TUSC3: variants seen among roughly 807,000 people sequenced by gnomAD.
TUSC3 encodes tumor suppressor candidate 3, also known as dolichyl-diphosphooligosaccharide--protein glycosyltransferase subunit TUSC3.
Under a neutral mutation model 44.8 loss-of-function variants are expected in TUSC3, and 45 were observed. That is an observed-to-expected ratio of 1.00 (90% CI 0.79 to 1.29). The LOEUF is 1.29. Among genes scored for constraint, TUSC3 ranks in the 50% most tolerant of loss-of-function variants. The probability of loss-of-function intolerance (pLI) is 0.00; values close to 1 mark genes in which losing one functional copy is unlikely to be tolerated. For missense variants in TUSC3, 519 were observed against 437.9 expected (o/e 1.19, Z -1.65); for synonymous variants, 212 against 152.9 (o/e 1.39, Z -2.85).
intron 2 of TUSC3, among the ~76,000 whole-genome samples, chr8:15,529,034 C>A (rs1801416630): frequency 6.6e-6 from 1 of 152,174 alleles, no homozygotes; most frequent in African/African-American, 2.4e-5. Context: ...ACTCCACTGA[C>A]CTTTCCTGAT....
intron 1 of TUSC3, among the ~76,000 whole-genome samples, chr8:15,438,022 A>C (rs1304295557): frequency 6.6e-6 from 1 of 152,200 alleles, no homozygotes; most frequent in South Asian, 2.1e-4. Context: ...GCAGGTTGTT[A>C]AATATTTCTG....
At chr8:15,841,520 T>C in the TUSC3 span, among the ~76,000 whole-genome samples, 1 of 145,692 alleles carries the variant, frequency 6.9e-6, no homozygotes, top group Non-Finnish European at 1.5e-5. Context: ...TGAGACAAAA[T>C]TTTTTTTTTT....
chr8:15,774,432 G>A, the TUSC3 span, among the ~76,000 whole-genome samples: 3 of 152,138 alleles, frequency 2.0e-5, no homozygotes, highest in African/African-American at 7.2e-5. Context: ...ACCATATAAA[G>A]ATGGATGATT....
At chr8:15,503,711 A>G (rs1801000953) in intron 2 of TUSC3, among the ~76,000 whole-genome samples, 1 of 151,996 alleles carries the variant, frequency 6.6e-6, no homozygotes, top group African/African-American at 2.4e-5. Flanking sequence ...GTCTTAAACA[A>G]AAAAATATCG....
At chr8:15,438,993 G>C (rs751574030) in intron 1 of TUSC3, among the ~76,000 whole-genome samples, 2 of 152,144 alleles carry the variant, frequency 1.3e-5, no homozygotes, top group Non-Finnish European at 2.9e-5. Context: ...TCAGGCGTTG[G>C]TCGAGGCAAT....
chr8:15,587,368 C>G (rs1020299663), intron 1 of TUSC3, among the ~76,000 whole-genome samples: 1 of 152,160 alleles, frequency 6.6e-6, no homozygotes, highest in Non-Finnish European at 1.5e-5. Context: ...TGTTTTGTTA[C>G]TGCTTCTGTC....
intron 1 of TUSC3, among the ~76,000 whole-genome samples, chr8:15,440,878 G>C (rs749346909): frequency 6.6e-6 from 1 of 152,132 alleles, no homozygotes; most frequent in Non-Finnish European, 1.5e-5. Flanking sequence ...CCCAGATAGA[G>C]AGCTTGCTTG....
intron 5 of TUSC3, among the ~76,000 whole-genome samples, chr8:15,673,431 C>T (rs1347312359): frequency 6.6e-6 from 1 of 152,050 alleles, no homozygotes; most frequent in Non-Finnish European, 1.5e-5. Flanking sequence ...ATCTGTGCTT[C>T]TGACTGGCTC....
chr8:15,555,165 G>T (rs77296682), intron 1 of TUSC3, among the ~76,000 whole-genome samples: 10 of 136,700 alleles, frequency 7.3e-5, no homozygotes, highest in African/African-American at 1.4e-4. Context: ...TTTTTTTTGG[G>T]GGGGACGAGA....
intron 1 of TUSC3, among the ~76,000 whole-genome samples, chr8:15,598,062 G>T (rs1178552591): frequency 6.6e-6 from 1 of 151,922 alleles, no homozygotes; most frequent in Admixed American, 6.6e-5. Flanking sequence ...TAAATGCTTT[G>T]AGAATCAAGT....
At chr8:15,533,605 A>G (rs1368922874) in intron 2 of TUSC3, among the ~76,000 whole-genome samples, 1 of 152,176 alleles carries the variant, frequency 6.6e-6, no homozygotes, top group East Asian at 1.9e-4. Flanking sequence ...TTGGAACTGT[A>G]AGAGTTAAAG....
the TUSC3 span, among the ~76,000 whole-genome samples, chr8:15,774,286 A>C: frequency 2.4e-4 from 36 of 152,320 alleles, no homozygotes; most frequent in Non-Finnish European, 3.8e-4. Flanking sequence ...TTCAGAGTAC[A>C]TCCTTACTTG....
chr8:15,467,967 T>C (rs530416012), intron 1 of TUSC3, among the ~76,000 whole-genome samples: 26 of 152,164 alleles, frequency 1.7e-4, no homozygotes, highest in Non-Finnish European at 3.8e-4. Flanking sequence ...TCTGGATTTA[T>C]TGGCAAGATG....
At chr8:15,665,959 A>G (rs1807639930) in intron 5 of TUSC3, among the ~76,000 whole-genome samples, 1 of 151,346 alleles carries the variant, frequency 6.6e-6, no homozygotes, top group South Asian at 2.1e-4. Context: ...CCCCCTAAAC[A>G]CGGAGGATGG....
the TUSC3 span, among the ~76,000 whole-genome samples, chr8:15,796,314 G>C: frequency 6.6e-6 from 1 of 152,146 alleles, no homozygotes; most frequent in East Asian, 1.9e-4. Context: ...GTTTTGATTA[G>C]CAGCTGTGAA....
Position 15,748,480 on chromosome 8 carries a change from C to A in TUSC3, c.1028+15C>A. On this transcript the variant is annotated intron_variant, in intron 9 of 10. Transcript: ENST00000503731. The stretch of plus-strand genomic sequence containing the variant: ...TATCCTTATAGGTAATATCTTTATA[C>A]TAACATGAATGTTTTTATTTTTAAC... 6.5e-7 allele frequency: 1 copy of A among 1,547,738 alleles called. No homozygotes were observed. Among genetic ancestry groups the A allele is most frequent in the Non-Finnish European group, 8.9e-7 (1 of 1,120,012 alleles).
chr8:15,518,302 C>T (rs1318767421), intron 2 of TUSC3, among the ~76,000 whole-genome samples: 2 of 151,848 alleles, frequency 1.3e-5, no homozygotes, highest in Non-Finnish European at 2.9e-5. Context: ...TTTGCTGGCT[C>T]TTTTATTTGC....
chr8:15,510,409 A>T (rs1026035751), intron 2 of TUSC3, among the ~76,000 whole-genome samples: 15 of 152,186 alleles, frequency 9.9e-5, no homozygotes, highest in Non-Finnish European at 1.9e-4. Flanking sequence ...GAGAGCAATG[A>T]CATCACTACA....
chr8:15,680,164 T>A (rs1808357560), intron 6 of TUSC3, among the ~76,000 whole-genome samples: 1 of 152,090 alleles, frequency 6.6e-6, no homozygotes, highest in Admixed American at 6.6e-5. Context: ...AACCCGTAGA[T>A]TGCTTTGGGC....
Sources: gnomAD v4.1 joint callset for allele counts (sites outside exome capture counted in the v4.1 genomes callset) on GRCh38, gnomAD v4.1.1 for gene constraint, MANE v1.5 for transcripts, NCBI Gene and HGNC (gene_info 2026-07-23, HGNC 2026-07-21) for gene names.